The following RPL22 variants were observed in gnomAD, a reference collection of about 807,000 sequenced individuals.
The protein encoded by RPL22 is large ribosomal subunit protein eL22.
A neutral mutation model predicts 16.2 loss-of-function variants in RPL22; 4 were observed. The ratio of observed to expected loss-of-function variants is 0.25; its 90% CI spans 0.12 to 0.57. The LOEUF is 0.57. Among genes scored for constraint, RPL22 ranks in the 20% least tolerant of loss-of-function variants. The pLI is 0.92. For missense variants in RPL22, 83 were observed against 156.1 expected (o/e 0.53, Z 2.49); for synonymous variants, 43 against 54.8 (o/e 0.78, Z 0.95).
intron 2 of RPL22, among the ~76,000 whole-genome samples, chr1:6,195,878 C>T (rs531937747): frequency 1.3e-4 from 19 of 151,812 alleles, no homozygotes; most frequent in Non-Finnish European, 2.4e-4. Flanking sequence ...GCCTGACCAA[C>T]ATGGAGGAAC....
Position 6,197,739 on chromosome 1 carries a change from C to T in RPL22, c.30G>A (p.Lys10=), listed in dbSNP as rs745574419. Residue 10 remains lysine, a synonymous_variant, in exon 2 of 4, where the codon AAG becomes AAA. Coordinates refer to ENST00000234875, the MANE Select transcript of RPL22 (RefSeq NM_000983.4). The part of the protein sequence containing the change: MAPVKKLVV[K]GGKKKKQVLK... ...GAACTTGCTTCTTTTTTTTGCCCCC[C>T]TTCACCACAAGCTTTTTCTAAGAAA... is the stretch of plus-strand genomic sequence containing the variant. 9 of 1,612,604 alleles carry T rather than the reference C, an allele frequency of 5.6e-6. No homozygotes were observed. The Admixed American group carries it at 1.0e-4, about 18-fold the overall frequency.
At chr1:6,194,911 G>T (rs537752734) in intron 2 of RPL22, among the ~76,000 whole-genome samples, 1 of 152,176 alleles carries the variant, frequency 6.6e-6, no homozygotes, top group Admixed American at 6.5e-5. Flanking sequence ...GACTGAGGTG[G>T]GCAGATCACG....
intron 2 of RPL22, among the ~76,000 whole-genome samples, chr1:6,195,926 G>C (rs1238213633): frequency 1.3e-5 from 2 of 151,654 alleles, no homozygotes; most frequent in African/African-American, 4.9e-5. Flanking sequence ...AGCCAGGCGT[G>C]GTGGCAGGCG....
At position 6,197,697 on chromosome 1, in the gene RPL22, A is replaced by G. The variant is rs764528989; in HGVS notation, c.72T>C (p.Asp24=). The G allele has an allele frequency of 6.2e-7, 1 of 1,614,002 alleles. No homozygotes were observed. The highest frequency in any genetic ancestry group is 8.5e-7 in the Non-Finnish European group (1 of 1,179,926). ...KKKQVLKFTL[D]CTHPVEDGIM... ...TTCCATCTTCTACAGGGTGGGTGCA[A>G]TCAAGAGTGAACTTCAGAACTTGCT... The change falls in exon 2 of 4, where the codon GAT becomes GAC. Residue 24 remains aspartate (D), a synonymous_variant. Transcript: ENST00000234875.
intron 3 of RPL22, among the ~76,000 whole-genome samples, chr1:6,191,163 GC>G (rs1409468086): frequency 2.0e-5 from 3 of 146,876 alleles, no homozygotes; most frequent in African/African-American, 7.5e-5. Context: ...ATCGAGACCA[GC>G]CTGGCCAACA....
chr1:6,186,076 A>T lies in RPL22; in HGVS notation c.*596T>A, dbSNP rs958161528. On this transcript the variant is annotated 3_prime_UTR_variant, in exon 4 of 4. Transcript: ENST00000234875. Reference sequence around the variant, plus strand: ...ACATTTAGTTAATTTAGAACCTGGGACTTTTACAATCGATTCCCCAAACCC... The same window carrying T: ...ACATTTAGTTAATTTAGAACCTGGGTCTTTTACAATCGATTCCCCAAACCC... The T allele has an allele frequency of 1.9e-4, 43 of 231,752 alleles. 1 individual carries two copies. The highest frequency in any genetic ancestry group is 1.2e-3 in the Middle Eastern group (1 of 804). The allele number at this position is 231,752 out of a possible 1,614,324, so 14.4% of individuals were successfully genotyped here.
Position 6,185,382 on chromosome 1 carries a change from CA to C in RPL22, c.*1289del. ...TGACGGCAGAGAAGAAATATGCAAGCAATTCTGCTTCAAAGAAATTTGCATA... is the reference window on the plus strand; with the variant it reads ...TGACGGCAGAGAAGAAATATGCAAGCATTCTGCTTCAAAGAAATTTGCATA... On this transcript the variant is annotated 3_prime_UTR_variant, in exon 4 of 4. Transcript: ENST00000234875. 2.5e-6 allele frequency: 1 copy of C among 399,048 alleles called. No individual in the cohort carries two copies. The highest frequency in any genetic ancestry group is 4.4e-5 in the Admixed American group (1 of 22,736). 24.7% of individuals were successfully genotyped at this position (399,048 alleles called of 1,614,324 possible).
At chr1:6,199,368 G>A in intron 1 of RPL22, 194 bp downstream of exon 1, 1 of 1,326,910 alleles carries the variant, frequency 7.5e-7, no homozygotes, top group Non-Finnish European at 9.7e-7. Flanking sequence ...TCCCTCACGA[G>A]CCTCGGGCCG....
In RPL22 at chr1:6,197,502, TA is replaced by T. The variant is rs1173664847; in HGVS notation, c.117+149del. The T allele has an allele frequency of 6.5e-6, 4 of 613,602 alleles. No homozygotes were observed. In the African/African-American group the frequency reaches 7.4e-5, roughly 11 times the overall value. The allele number at this position is 613,602 out of a possible 1,614,324, so 38.0% of individuals were successfully genotyped here. On this transcript the variant is annotated intron_variant, in intron 2 of 3. Coordinates refer to ENST00000234875, the MANE Select transcript of RPL22 (RefSeq NM_000983.4). ...GAAACAAGACTTGGAAACAAACAAGTAATCTGCCCACATTCCCAGGGTGAGA... is the reference window on the plus strand; with the variant it reads ...GAAACAAGACTTGGAAACAAACAAGTATCTGCCCACATTCCCAGGGTGAGA...
At chr1:6,188,774 C>T (rs944097262) in intron 3 of RPL22, among the ~76,000 whole-genome samples, 2 of 151,444 alleles carry the variant, frequency 1.3e-5, no homozygotes, top group Admixed American at 1.3e-4. Context: ...ACATGAGATG[C>T]TCAGAGAGAT....
At chr1:6,188,427 C>T (rs554994573) in intron 3 of RPL22, among the ~76,000 whole-genome samples, 7 of 152,202 alleles carry the variant, frequency 4.6e-5, no homozygotes, top group Admixed American at 1.3e-4. Context: ...CAGTGGCTCA[C>T]GCCTGTAATC....
chr1:6,191,808 G>C (rs1374172922), intron 3 of RPL22, among the ~76,000 whole-genome samples: 1 of 152,020 alleles, frequency 6.6e-6, no homozygotes, highest in Non-Finnish European at 1.5e-5. Context: ...GACCAGCCTG[G>C]CCAACATGGC....
intron 3 of RPL22, among the ~76,000 whole-genome samples, chr1:6,189,623 A>C (rs998867581): frequency 2.6e-5 from 4 of 151,804 alleles, no homozygotes; most frequent in Admixed American, 6.6e-5. Flanking sequence ...AAAAAAAAAA[A>C]AAAAACCCTG....
chr1:6,197,130 C>T (rs1667730568), intron 2 of RPL22, among the ~76,000 whole-genome samples: 1 of 152,212 alleles, frequency 6.6e-6, no homozygotes, highest in African/African-American at 2.4e-5. Context: ...CCCGTGTTCA[C>T]GCGATTCTTC....
intron 1 of RPL22, 152 bp downstream of exon 1, chr1:6,199,410 G>A (rs960298210): frequency 6.5e-6 from 9 of 1,383,988 alleles, no homozygotes; most frequent in South Asian, 1.7e-5. Context: ...TGCTGGGATC[G>A]GCAGGGGCTC....
chr1:6,199,531 G>A (rs1209875069), intron 1 of RPL22, 31 bp downstream of exon 1: 1 of 1,555,484 alleles, frequency 6.4e-7, no homozygotes, highest in Non-Finnish European at 8.7e-7. Context: ...GCCTCCCCTG[G>A]AGCCGAGGCC....
intron 3 of RPL22, among the ~76,000 whole-genome samples, chr1:6,192,084 G>C (rs1042575777): frequency 1.3e-4 from 19 of 150,070 alleles, no homozygotes; most frequent in Admixed American, 4.7e-4. Context: ...GGGTCTCACT[G>C]TGTCACCCAG....
chr1:6,188,792 ATTT>A (rs764758751), intron 3 of RPL22, among the ~76,000 whole-genome samples: 17 of 143,182 alleles, frequency 1.2e-4, no homozygotes, highest in African/African-American at 4.1e-4. Context: ...GATCCCTGGC[ATTT>A]TTTTTTTTTT....
chr1:6,191,359 CAAAAAAAAAAA>C (rs769446432), intron 3 of RPL22, among the ~76,000 whole-genome samples: 3 of 32,424 alleles, frequency 9.3e-5, no homozygotes, highest in South Asian at 1.5e-3. Context: ...GACTCCGTCT[CAAAAAAAAAAA>C]AAAAAAAAAA....
Sources: allele counts gnomAD v4.1 joint callset (sites outside exome capture counted in the v4.1 genomes callset), GRCh38; gene constraint gnomAD v4.1.1; transcripts MANE v1.5; gene names NCBI Gene and HGNC (gene_info 2026-07-23, HGNC 2026-07-21).